KIF1A: variants seen among roughly 807,000 people sequenced by gnomAD.
KIF1A encodes kinesin-like protein KIF1A.
Under a neutral mutation model 227.3 loss-of-function variants are expected in KIF1A, and 46 were observed. That is an observed-to-expected ratio of 0.20 (90% CI 0.16 to 0.26). The LOEUF is 0.26. Ranked by LOEUF, KIF1A falls within the 10% of genes least tolerant of loss-of-function variation. KIF1A has a pLI of 1.00. For synonymous variants in KIF1A, 1,022 were observed against 1,012.8 expected, an observed-to-expected ratio of 1.01 and a Z score of -0.17; for missense variants, 1,683 against 2,485.9, an observed-to-expected ratio of 0.68 and a Z score of 6.87.
In KIF1A at chr2:240,811,964, G is replaced by A. The variant is rs780369813; in HGVS notation, c.-61+8158C>T. Among the ~76,000 whole-genome samples, 6 of 152,210 alleles carry A rather than the reference G, an allele frequency of 3.9e-5. No individual in the cohort carries two copies. In the East Asian group the frequency reaches 1.2e-3, roughly 29 times the overall value. ...TGGGGGATGGTGGCCATCCATGTGG[G>A]TATGTGGGTATGGCCAGCCGGCTGT... On this transcript the variant is annotated intron_variant, in intron 1 of 48. Transcript: ENST00000498729.
chr2:240,793,907 C>T lies in KIF1A; in HGVS notation c.106+3740G>A, dbSNP rs1321574096. Among the ~76,000 whole-genome samples, 1 of 152,146 alleles carries T rather than the reference C, an allele frequency of 6.6e-6. No individual in the cohort carries two copies. Among genetic ancestry groups the T allele is most frequent in the African/African-American group, 2.4e-5 (1 of 41,412 alleles). Reference sequence around the variant, plus strand: ...TTCCCCACGACATCCTCTGAGGGGCCCCGCACAGTCCCCGCCATCTTCCGA... The same window carrying T: ...TTCCCCACGACATCCTCTGAGGGGCTCCGCACAGTCCCCGCCATCTTCCGA... On this transcript the variant is annotated intron_variant, in intron 2 of 48. Coordinates refer to ENST00000498729, the MANE Select transcript of KIF1A (RefSeq NM_001244008.2). The surrounding 1 kb of genome is among the most constrained non-coding windows in gnomAD (Gnocchi z 4.8).
intron 2 of KIF1A, among the ~76,000 whole-genome samples, chr2:240,791,822 G>A (rs1304509259): frequency 6.6e-6 from 1 of 152,046 alleles, no homozygotes; most frequent in Non-Finnish European, 1.5e-5. Context: ...ATGGCCCTTG[G>A]GAGAATCCCT....
In KIF1A at chr2:240,720,134, G is replaced by T. The variant is rs181876212; in HGVS notation, c.4869-208C>A. ...CCCGATTCCAGGAAGTGCTGGGCTT[G>T]GTGGGCAGGGTCCCCCAGGAACCTC... On this transcript the variant is annotated intron_variant, in intron 45 of 48. Transcript: ENST00000498729. The T allele has an allele frequency of 3.3e-5, 15 of 460,500 alleles. No individual in the cohort carries two copies. In the East Asian group the frequency reaches 5.4e-4, roughly 17 times the overall value. The allele number at this position is 460,500 out of a possible 1,614,324, so 28.5% of individuals were successfully genotyped here. A position where few individuals can be genotyped will look rare whatever the true frequency, so the allele number is the denominator to read the frequency against.
chr2:240,717,478 A>C, intron 48 of KIF1A, 72 bp from the exon 49 acceptor site: 1 of 1,443,074 alleles, frequency 6.9e-7, no homozygotes, highest in Non-Finnish European at 9.6e-7. Context: ...CGTGCCCTGC[A>C]CAGGCAGGCA....
At chr2:240,722,926 C>T (rs939633931) in intron 42 of KIF1A, among the ~76,000 whole-genome samples, 1 of 152,184 alleles carries the variant, frequency 6.6e-6, no homozygotes, top group Non-Finnish European at 1.5e-5. Context: ...ATCTCACGCG[C>T]CAGGTTCTGG....
chr2:240,736,439 T>A lies in KIF1A; in HGVS notation c.4007+624A>T, dbSNP rs190679319. Among the ~76,000 whole-genome samples the A allele has an allele frequency of 2.0e-4, 31 of 152,248 alleles. No individual in the cohort carries two copies. Among genetic ancestry groups the A allele is most frequent in the Middle Eastern group, 6.8e-3 (2 of 294 alleles). ...CTGCCCCTGGCAGTGCTGAGCCACC[T>A]GCCCAGGCCAACCGCAGGGGCTGCC... is the stretch of plus-strand genomic sequence containing the variant. On this transcript the variant is annotated intron_variant, in intron 38 of 48. Coordinates refer to ENST00000498729, the MANE Select transcript of KIF1A (RefSeq NM_001244008.2). The surrounding 1 kb of genome is among the most constrained non-coding windows in gnomAD (Gnocchi z 4.7).
chr2:240,756,842 T>C (rs533822074), intron 27 of KIF1A, among the ~76,000 whole-genome samples: 2 of 152,318 alleles, frequency 1.3e-5, no homozygotes, highest in East Asian at 3.9e-4. Context: ...TGAGGCTGCC[T>C]CCGCTAGGAC....
Position 240,736,887 on chromosome 2 carries a change from G to C in KIF1A, c.4007+176C>G, listed in dbSNP as rs1464663311. ...CAACGAGGTGCACAAACGAGGAGCC[G>C]GGGGTGCAGAGGCCACCAGCCCCTC... On this transcript the variant is annotated intron_variant, in intron 38 of 48. Transcript: ENST00000498729. The surrounding 1 kb of genome is among the most constrained non-coding windows in gnomAD (Gnocchi z 4.7). Among the ~76,000 whole-genome samples, 1 of 152,144 alleles carries C rather than the reference G, an allele frequency of 6.6e-6. No individual in the cohort carries two copies. Among genetic ancestry groups the C allele is most frequent in the Non-Finnish European group, 1.5e-5 (1 of 68,028 alleles).
intron 1 of KIF1A, among the ~76,000 whole-genome samples, chr2:240,807,274 T>C (rs1300497537): frequency 1.3e-5 from 2 of 152,050 alleles, no homozygotes; most frequent in African/African-American, 2.4e-5. Flanking sequence ...GCCTCCCTAG[T>C]ATGCGCCACT....
rs879254322 is a variant in KIF1A, at chr2:240,763,279, C to T, written c.1836G>A (p.Glu612=). ...TCTCCGCACAAGGCGTGCGCTCACGCTCCTGCCGGGCCTGCTCGGGGTGGT... is the reference window on the plus strand; with the variant it reads ...TCTCCGCACAAGGCGTGCGCTCACGTTCCTGCCGGGCCTGCTCGGGGTGGT... ...RFNHPEQARQ[E]RERTPCAETP... Residue 612 remains glutamate, a synonymous_variant, in exon 21 of 49, where the codon GAG becomes GAA. Coordinates refer to ENST00000498729, the MANE Select transcript of KIF1A (RefSeq NM_001244008.2). The T allele has an allele frequency of 8.7e-6, 14 of 1,609,392 alleles. No homozygotes were observed. Among genetic ancestry groups the T allele is most frequent in the African/African-American group, 1.3e-5 (1 of 74,822 alleles).
At chr2:240,765,910 C>T (rs2051112581) in intron 19 of KIF1A, 117 bp from the exon 20 acceptor site, 1 of 733,766 alleles carries the variant, frequency 1.4e-6, no homozygotes, top group Non-Finnish European at 2.4e-6. Context: ...TCTCTTTTCC[C>T]TGCTACACAG....
intron 1 of KIF1A, among the ~76,000 whole-genome samples, chr2:240,808,313 A>T (rs1272300255): frequency 3.9e-5 from 6 of 152,216 alleles, no homozygotes; most frequent in Admixed American, 3.9e-4. Flanking sequence ...GAAATCAAGA[A>T]CATTCTTATA....
intron 1 of KIF1A, among the ~76,000 whole-genome samples, chr2:240,805,083 GAGGGAGAGGGGAGGGAGAGGGGAGGGA>G (rs2057291133): frequency 1.5e-5 from 1 of 67,748 alleles, no homozygotes; most frequent in African/African-American, 7.6e-5. Context: ...AGGGAGAGGG[GAGGGAGAGGGGAGGGAGAGGGGAGGGA>G]GGGAGAGGGG....
Position 240,725,307 on chromosome 2 carries a change from T to C in KIF1A, c.4220A>G (p.Asn1407Ser). The C allele has an allele frequency of 6.2e-7, 1 of 1,608,926 alleles. No homozygotes were observed. The highest frequency in any genetic ancestry group is 8.5e-7 in the Non-Finnish European group (1 of 1,178,484). Residue 1407 changes from asparagine to serine, a missense_variant, in exon 40 of 49, where the codon AAC (asparagine) becomes AGC (serine). Asn to Ser is a conservative substitution (Grantham distance 46). Transcript: ENST00000498729. The surrounding 1 kb of genome is among the most constrained non-coding windows in gnomAD (Gnocchi z 5.8). ...AKLPASRSIR[N>S]LFGSGSLRAS... ...CCGAAGGCTCCCACTGCCAAAGAGG[T>C]TGCGGATGGAGCGCGAGGCTGGCAG... is the stretch of plus-strand genomic sequence containing the variant.
chr2:240,783,323 T>C (rs540402205), intron 8 of KIF1A, among the ~76,000 whole-genome samples: 13 of 152,256 alleles, frequency 8.5e-5, no homozygotes, highest in African/African-American at 2.6e-4. Context: ...CTCAGCCCCA[T>C]GCAAACCCTG....
intron 48 of KIF1A, 106 bp from the exon 49 acceptor site, chr2:240,717,512 C>T: frequency 1.0e-6 from 1 of 1,000,412 alleles, no homozygotes; most frequent in East Asian, 2.4e-5. Flanking sequence ...GCCACAGACC[C>T]CATGTCCCCG....
At chr2:240,763,122 G>A in intron 21 of KIF1A, 31 bp from the exon 22 acceptor site, 1 of 1,601,142 alleles carries the variant, frequency 6.2e-7, no homozygotes, top group Non-Finnish European at 8.5e-7. Context: ...GAGCACGGGA[G>A]GGCAGGAGGG....
chr2:240,760,576 G>T, intron 25 of KIF1A, 89 bp downstream of exon 25: 1 of 1,052,804 alleles, frequency 9.5e-7, no homozygotes. Context: ...GGTACTCGCT[G>T]TGAAGCCTGT....
intron 1 of KIF1A, among the ~76,000 whole-genome samples, chr2:240,804,328 T>C (rs1182780310): frequency 6.6e-6 from 1 of 152,176 alleles, no homozygotes; most frequent in Non-Finnish European, 1.5e-5. Flanking sequence ...GAATGGAAGC[T>C]TCTACTTCTG....
Sources: allele counts gnomAD v4.1 joint callset (sites outside exome capture counted in the v4.1 genomes callset), GRCh38; gene constraint gnomAD v4.1.1; non-coding constraint Gnocchi (gnomAD v3.1); transcripts MANE v1.5; gene names NCBI Gene and HGNC (gene_info 2026-07-23, HGNC 2026-07-21).